APBA1: variants seen among roughly 807,000 people sequenced by gnomAD.
The protein encoded by APBA1 is amyloid beta precursor protein binding family A member 1, also known as amyloid-beta A4 precursor protein-binding family A member 1.
APBA1 carries 55 observed loss-of-function variants against 86.6 expected under a neutral mutation model. The ratio of observed to expected loss-of-function variants is 0.64; its 90% CI spans 0.51 to 0.80. The LOEUF (loss-of-function observed/expected upper bound fraction) is 0.80. Among genes scored for constraint, APBA1 ranks in the 30% least tolerant of loss-of-function variants. The pLI, the probability that APBA1 is intolerant of heterozygous loss-of-function variation, is 0.00. For missense variants in APBA1, 1,090 were observed against 1,183.0 expected (o/e 0.92, Z 1.15); for synonymous variants, 511 against 493.9 (o/e 1.03, Z -0.46).
chr9:69,628,280 C>G (rs1822972478), intron 1 of APBA1, among the ~76,000 whole-genome samples: 1 of 152,156 alleles, frequency 6.6e-6, no homozygotes, highest in South Asian at 2.1e-4. Context: ...GAATGCAGCC[C>G]AGGGCAGACA....
At chr9:69,474,867 C>T (rs536736047) in intron 3 of APBA1, among the ~76,000 whole-genome samples, 3 of 152,242 alleles carry the variant, frequency 2.0e-5, no homozygotes, top group South Asian at 2.1e-4. Context: ...CCTTTAAAAG[C>T]GATCTGCCAC....
intron 2 of APBA1, among the ~76,000 whole-genome samples, chr9:69,483,165 A>G (rs1183283378): frequency 7.2e-6 from 1 of 139,188 alleles, no homozygotes; most frequent in East Asian, 2.1e-4. Context: ...AACAAAAAAA[A>G]AAAAAAAGAA....
chr9:69,633,148 A>G (rs1487145817), intron 1 of APBA1, among the ~76,000 whole-genome samples: 1 of 134,386 alleles, frequency 7.4e-6, no homozygotes, highest in Non-Finnish European at 1.6e-5. Flanking sequence ...TTATTTTTTT[A>G]TTATTTTTTT....
chr9:69,575,484 G>C (rs893000780), intron 1 of APBA1, among the ~76,000 whole-genome samples: 3 of 152,110 alleles, frequency 2.0e-5, no homozygotes, highest in Non-Finnish European at 2.9e-5. Context: ...AACCAAAACA[G>C]CATGGTACTG....
chr9:69,550,188 A>C (rs1836762888), intron 1 of APBA1, among the ~76,000 whole-genome samples: 1 of 152,172 alleles, frequency 6.6e-6, no homozygotes, highest in Non-Finnish European at 1.5e-5. Flanking sequence ...TTTTATTATA[A>C]ACTGTACTTG....
intron 1 of APBA1, among the ~76,000 whole-genome samples, chr9:69,533,047 A>G (rs1836456807): frequency 6.6e-6 from 1 of 152,238 alleles, no homozygotes; most frequent in Admixed American, 6.5e-5. Context: ...AAAATAAATT[A>G]TGTTGTGTCC....
At chr9:69,441,181 G>T in intron 10 of APBA1, 66 bp from the exon 11 acceptor site, 2 of 1,553,814 alleles carry the variant, frequency 1.3e-6, no homozygotes, top group Non-Finnish European at 8.7e-7. Context: ...ACAAAAGCAG[G>T]CAGCACCAAA....
chr9:69,460,921 G>C (rs547834599), intron 5 of APBA1: 1 of 152,268 alleles, frequency 6.6e-6, no homozygotes, highest in East Asian at 1.9e-4. Context: ...AGTAGCGACG[G>C]GGTTTCACCA....
chr9:69,484,041 T>A (rs1588311835), intron 2 of APBA1, among the ~76,000 whole-genome samples: 1 of 152,020 alleles, frequency 6.6e-6, no homozygotes, highest in Non-Finnish European at 1.5e-5. Flanking sequence ...TTCTATTTTT[T>A]CCCCCAAGTA....
intron 1 of APBA1, among the ~76,000 whole-genome samples, chr9:69,533,052 G>T (rs1047937360): frequency 6.6e-6 from 1 of 152,128 alleles, no homozygotes; most frequent in Non-Finnish European, 1.5e-5. Context: ...AAATTATGTT[G>T]TGTCCTTGGA....
At chr9:69,559,362 T>C (rs1220553273) in intron 1 of APBA1, among the ~76,000 whole-genome samples, 2 of 152,186 alleles carry the variant, frequency 1.3e-5, no homozygotes, top group Admixed American at 6.5e-5. Context: ...ATCAAGATGA[T>C]AACATTTCCA....
chr9:69,433,026 T>C (rs1834632749), intron 11 of APBA1, among the ~76,000 whole-genome samples: 1 of 152,148 alleles, frequency 6.6e-6, no homozygotes, highest in Non-Finnish European at 1.5e-5. Flanking sequence ...CACAGGTTAG[T>C]GTTAGTTCCC....
At chr9:69,551,511 C>A (rs1836784664) in intron 1 of APBA1, among the ~76,000 whole-genome samples, 1 of 151,488 alleles carries the variant, frequency 6.6e-6, no homozygotes, top group Non-Finnish European at 1.5e-5. Context: ...TGAGATCATG[C>A]CACTGCACTC....
intron 2 of APBA1, among the ~76,000 whole-genome samples, chr9:69,511,447 A>G (rs1836038142): frequency 6.6e-6 from 1 of 152,160 alleles, no homozygotes; most frequent in African/African-American, 2.4e-5. Flanking sequence ...GGATGTGGAG[A>G]AATAGGAACA....
intron 1 of APBA1, among the ~76,000 whole-genome samples, chr9:69,647,737 T>C (rs1238797267): frequency 6.6e-6 from 1 of 152,216 alleles, no homozygotes; most frequent in African/African-American, 2.4e-5. Flanking sequence ...TATAAAGACA[T>C]GAGCACACAA....
At chr9:69,584,461 A>G (rs1821980015) in intron 1 of APBA1, among the ~76,000 whole-genome samples, 1 of 152,246 alleles carries the variant, frequency 6.6e-6, no homozygotes, top group South Asian at 2.1e-4. Flanking sequence ...TAGGCTGTGT[A>G]GTCTGATGGC....
intron 2 of APBA1, among the ~76,000 whole-genome samples, chr9:69,515,201 TTTCC>T (rs1176869201): frequency 4.6e-5 from 7 of 152,164 alleles, no homozygotes; most frequent in Non-Finnish European, 4.4e-5. Flanking sequence ...CTCCTCTTGT[TTTCC>T]TATGACAAGG....
intron 1 of APBA1, among the ~76,000 whole-genome samples, chr9:69,636,931 G>GAA (rs1823185764): frequency 7.5e-6 from 1 of 134,058 alleles, no homozygotes; most frequent in African/African-American, 2.9e-5. Flanking sequence ...AGGAAAGAAA[G>GAA]AAAGAAAGAA....
At chr9:69,619,327 G>A (rs1009605023) in intron 1 of APBA1, among the ~76,000 whole-genome samples, 2 of 152,124 alleles carry the variant, frequency 1.3e-5, no homozygotes, top group African/African-American at 2.4e-5. Flanking sequence ...AGAAGCAACT[G>A]GAAAGGTCTT....
Sources: gnomAD v4.1 joint callset for allele counts (sites outside exome capture counted in the v4.1 genomes callset) on GRCh38, gnomAD v4.1.1 for gene constraint, MANE v1.5 for transcripts, NCBI Gene and HGNC (gene_info 2026-07-23, HGNC 2026-07-21) for gene names.